The following HS3ST3A1 variants were observed in gnomAD, a reference collection of about 807,000 sequenced individuals.
The protein encoded by HS3ST3A1 is heparan sulfate-glucosamine 3-sulfotransferase 3A1.
HS3ST3A1 carries 19 observed loss-of-function variants against 25.7 expected under a neutral mutation model. The observed-to-expected ratio is 0.74, with a 90% CI of 0.52 to 1.08. HS3ST3A1 has a LOEUF of 1.08. Among genes scored for constraint, HS3ST3A1 ranks in the 50% least tolerant of loss-of-function variants. The pLI is 0.00. For missense variants in HS3ST3A1, 459 were observed against 594.3 expected (o/e 0.77, Z 2.37); for synonymous variants, 226 against 278.6 (o/e 0.81, Z 1.88).
Position 13,566,717 on chromosome 17 carries a change from T to TC in HS3ST3A1, c.599+33813dup, listed in dbSNP as rs549210509. 3.9e-5 allele frequency among the ~76,000 whole-genome samples: 6 copies of TC among 151,996 alleles called. No homozygotes were observed. The South Asian group carries it at 6.3e-4, about 16-fold the overall frequency. On this transcript the variant is annotated intron_variant, in intron 1 of 1. Transcript: ENST00000284110. ...ACAGAAGATCAAACCAGCCACAACA[T>TC]CCCCTTAAGCCAAAGCCTAATCCAG...
chr17:13,550,677 C>T (rs1156511805), intron 1 of HS3ST3A1, among the ~76,000 whole-genome samples: 1 of 151,930 alleles, frequency 6.6e-6, no homozygotes, highest in East Asian at 1.9e-4. Context: ...TACTTACTTG[C>T]TTTAGGTGCA....
At chr17:13,590,326 T>TA (rs59735905) in intron 1 of HS3ST3A1, among the ~76,000 whole-genome samples, 33,326 of 147,292 alleles carry the variant, frequency 0.23, 4,849 homozygotes, top group African/African-American at 0.42. Context: ...TCTGTGAGGT[T>TA]AAAAAAAAAA....
At chr17:13,507,138 T>C (rs142745270) in intron 1 of HS3ST3A1, among the ~76,000 whole-genome samples, 1 of 150,786 alleles carries the variant, frequency 6.6e-6, no homozygotes, top group Non-Finnish European at 1.5e-5. Flanking sequence ...TGGATAGGAC[T>C]ACATTAAAAA....
chr17:13,540,331 A>G (rs1043432848), intron 1 of HS3ST3A1, among the ~76,000 whole-genome samples: 2 of 152,146 alleles, frequency 1.3e-5, no homozygotes, highest in Non-Finnish European at 2.9e-5. Context: ...AGGTGCATTA[A>G]AGCTCTAGTT....
intron 1 of HS3ST3A1, among the ~76,000 whole-genome samples, chr17:13,577,293 G>A (rs1907969049): frequency 1.3e-5 from 2 of 152,142 alleles, no homozygotes; most frequent in Non-Finnish European, 2.9e-5. Flanking sequence ...ATGGAACTAA[G>A]GTTTCTTCAC....
At position 13,562,177 on chromosome 17, in the gene HS3ST3A1, C is replaced by A. The variant is rs17663088; in HGVS notation, c.599+38354G>T. Among the ~76,000 whole-genome samples, 1,211 of 152,242 alleles carry A rather than the reference C, an allele frequency of 8.0e-3. 7 individuals carry two copies. Among genetic ancestry groups the A allele is most frequent in the South Asian group, 0.013 (62 of 4,822 alleles). On this transcript the variant is annotated intron_variant, in intron 1 of 1. Coordinates refer to ENST00000284110, the MANE Select transcript of HS3ST3A1 (RefSeq NM_006042.3). ...GACCACCCTGTCTTTTTGGAATAGG[C>A]AAGCAGTAACTTTGGCTCTGTCTCT...
chr17:13,522,373 T>G (rs1567613423), intron 1 of HS3ST3A1, among the ~76,000 whole-genome samples: 1 of 152,232 alleles, frequency 6.6e-6, no homozygotes, highest in Non-Finnish European at 1.5e-5. Context: ...TGTATGCTTT[T>G]GTTTGGTTGT....
intron 1 of HS3ST3A1, among the ~76,000 whole-genome samples, chr17:13,563,345 T>C (rs1907595471): frequency 6.6e-6 from 1 of 152,140 alleles, no homozygotes; most frequent in Non-Finnish European, 1.5e-5. Flanking sequence ...CAACATATTC[T>C]GGGCTCTTTC....
At chr17:13,524,946 C>G (rs1906362948) in intron 1 of HS3ST3A1, among the ~76,000 whole-genome samples, 1 of 151,868 alleles carries the variant, frequency 6.6e-6, no homozygotes, top group Non-Finnish European at 1.5e-5. Context: ...TAAATTATAC[C>G]CTTGATTATT....
chr17:13,522,006 A>G lies in HS3ST3A1; in HGVS notation c.600-25188T>C, dbSNP rs543515900. On this transcript the variant is annotated intron_variant, in intron 1 of 1. Coordinates refer to ENST00000284110, the MANE Select transcript of HS3ST3A1 (RefSeq NM_006042.3). ...TGTGATAACAACTGCTAGTGTCTCC[A>G]GACGTGGCCAAATGTCTCCTGGGGG... 3.5e-4 allele frequency among the ~76,000 whole-genome samples: 54 copies of G among 152,302 alleles called. 2 individuals are homozygous for G. In the South Asian group the frequency reaches 8.3e-3, roughly 23 times the overall value.
At chr17:13,571,948 C>T (rs755617047) in intron 1 of HS3ST3A1, among the ~76,000 whole-genome samples, 5 of 152,006 alleles carry the variant, frequency 3.3e-5, no homozygotes, top group African/African-American at 7.3e-5. Context: ...TTAGTACAGA[C>T]GGGGTTTCGC....
intron 1 of HS3ST3A1, among the ~76,000 whole-genome samples, chr17:13,560,314 A>G (rs1707769867): frequency 7.0e-6 from 1 of 143,670 alleles, no homozygotes; most frequent in South Asian, 2.3e-4. Context: ...AAAAAAAAAA[A>G]AAAAAGTGTA....
At chr17:13,569,671 A>G (rs539592318) in intron 1 of HS3ST3A1, among the ~76,000 whole-genome samples, 1,718 of 152,320 alleles carry the variant, frequency 0.011, 21 homozygotes, top group Non-Finnish European at 0.017. Flanking sequence ...TTCATTTTTT[A>G]CAACTATCAA....
At chr17:13,565,131 CT>C (rs1907645859) in intron 1 of HS3ST3A1, among the ~76,000 whole-genome samples, 1 of 124,526 alleles carries the variant, frequency 8.0e-6, no homozygotes, top group African/African-American at 2.7e-5. Flanking sequence ...TATTGAATCC[CT>C]TTCCAGTTTA....
chr17:13,496,858 G>C, intron 1 of HS3ST3A1, 40 bp from the exon 2 acceptor site: 2 of 1,592,276 alleles, frequency 1.3e-6, no homozygotes, highest in South Asian at 1.2e-5. Context: ...TGTGCAGAGA[G>C]AGCTCAGTCC....
At chr17:13,595,668 C>G (rs1290018674) in intron 1 of HS3ST3A1, among the ~76,000 whole-genome samples, 2 of 152,038 alleles carry the variant, frequency 1.3e-5, no homozygotes, top group African/African-American at 4.8e-5. Context: ...ATTAGGAAAC[C>G]CATACCAAGA....
chr17:13,506,026 CAA>C (rs35525593), intron 1 of HS3ST3A1, among the ~76,000 whole-genome samples: 29 of 66,954 alleles, frequency 4.3e-4, no homozygotes, highest in African/African-American at 1.5e-3. Context: ...GACTTCATCT[CAA>C]AAAAAAAAAA....
In HS3ST3A1 at chr17:13,495,030, T is replaced by G. The variant is rs1276281408; in HGVS notation, c.*1167A>C. On this transcript the variant is annotated 3_prime_UTR_variant, in exon 2 of 2. Transcript: ENST00000284110. ...TAATTAATTCTTTCAGAGTACTAGC[T>G]CCAAAGTTAGAAGTGAGATATTACA... Among the ~76,000 whole-genome samples, 1 of 152,144 alleles carries G rather than the reference T, an allele frequency of 6.6e-6. No homozygotes were observed.
At chr17:13,550,395 G>T in intron 1 of HS3ST3A1, among the ~76,000 whole-genome samples, 1 of 151,958 alleles carries the variant, frequency 6.6e-6, no homozygotes, top group East Asian at 1.9e-4. Flanking sequence ...GACGTGCATT[G>T]CTTCTTAGTC....
Sources: gnomAD v4.1 joint callset for allele counts (sites outside exome capture counted in the v4.1 genomes callset) on GRCh38, gnomAD v4.1.1 for gene constraint, MANE v1.5 for transcripts, NCBI Gene and HGNC (gene_info 2026-07-23, HGNC 2026-07-21) for gene names.